The following PRLR variants were observed in gnomAD, a reference collection of about 807,000 sequenced individuals.
The protein encoded by PRLR is prolactin receptor, also known as hPRL receptor.
PRLR carries 13 observed loss-of-function variants against 40.2 expected under a neutral mutation model. The ratio of observed to expected loss-of-function variants is 0.32; its 90% confidence interval spans 0.21 to 0.51. PRLR has a LOEUF of 0.51. Ranked by LOEUF, PRLR falls within the 20% of genes least tolerant of loss-of-function variation. PRLR has a pLI of 0.97. For synonymous variants in PRLR, 269 were observed against 278.7 expected, an observed-to-expected ratio of 0.97 and a Z score of 0.35; for missense variants, 656 against 747.3, an observed-to-expected ratio of 0.88 and a Z score of 1.42.
chr5:35,072,439 C>T, intron 6 of PRLR, 136 bp downstream of exon 6: 1 of 977,822 alleles, frequency 1.0e-6, no homozygotes, highest in Non-Finnish European at 1.5e-6. Flanking sequence ...GGGCTTTTCA[C>T]ATCTGGGTGG....
rs1465145370 is a variant in PRLR, at chr5:35,063,286, G to A, written c.*1803C>T. On this transcript the variant is annotated 3_prime_UTR_variant, in exon 10 of 10. Transcript: ENST00000618457. ...CAATGTGTTCACTTTCAAACAGGAG[G>A]GGGACCTCTGAGTCCAGTTGCTATC... The A allele has an allele frequency of 6.6e-6, 1 of 152,134 alleles. No individual in the cohort carries two copies. Among genetic ancestry groups the A allele is most frequent in the Non-Finnish European group, 1.5e-5 (1 of 68,030 alleles). The allele number at this position is 152,134 out of a possible 1,614,324, so 9.4% of individuals were successfully genotyped here. A position where few individuals can be genotyped will look rare whatever the true frequency, so the allele number is the denominator to read the frequency against.
chr5:35,064,833 T>C lies in PRLR; in HGVS notation c.*256A>G. 2.1e-6 allele frequency: 1 copy of C among 468,716 alleles called. No individual in the cohort carries two copies. The highest frequency in any genetic ancestry group is 3.8e-6 in the Non-Finnish European group (1 of 264,910). The allele number at this position is 468,716 out of a possible 1,614,324, so 29.0% of individuals were successfully genotyped here. ...ATTGTCCCTCAAGAATACTAAGCAG[T>C]GTGCTTTTATTTCATTGAACACATA... On this transcript the variant is annotated 3_prime_UTR_variant, in exon 10 of 10. Coordinates refer to ENST00000618457, the MANE Select transcript of PRLR (RefSeq NM_000949.7).
chr5:35,100,611 G>C (rs1298682103), intron 2 of PRLR, among the ~76,000 whole-genome samples: 2 of 152,198 alleles, frequency 1.3e-5, no homozygotes, highest in Non-Finnish European at 2.9e-5. Flanking sequence ...GCCTAGGTGT[G>C]CAGCAGATTA....
intron 1 of PRLR, among the ~76,000 whole-genome samples, chr5:35,194,803 T>C (rs958964135): frequency 6.6e-6 from 1 of 152,180 alleles, no homozygotes; most frequent in Non-Finnish European, 1.5e-5. Flanking sequence ...GAAGTGAAAC[T>C]ATTCTGTATG....
intron 1 of PRLR, among the ~76,000 whole-genome samples, chr5:35,171,342 G>A (rs2111943918): frequency 6.6e-6 from 1 of 152,286 alleles, no homozygotes; most frequent in South Asian, 2.1e-4. Context: ...TTGGATAGAG[G>A]TGTTATTCAG....
chr5:35,081,965 T>C (rs562094569), intron 5 of PRLR: 5 of 191,692 alleles, frequency 2.6e-5, no homozygotes, highest in Admixed American at 1.0e-4. Context: ...AGCAACAGGG[T>C]GGTGGACTCA....
chr5:35,167,115 A>G (rs77407701), intron 1 of PRLR, among the ~76,000 whole-genome samples: 1 of 151,650 alleles, frequency 6.6e-6, no homozygotes, highest in East Asian at 1.9e-4. Context: ...GCTGCTAAAA[A>G]TAACATCAAT....
chr5:35,142,557 A>T (rs1774056304), intron 1 of PRLR, among the ~76,000 whole-genome samples: 1 of 152,240 alleles, frequency 6.6e-6, no homozygotes, highest in South Asian at 2.1e-4. Flanking sequence ...AGCACCAATT[A>T]TCTACCCAAA....
At chr5:35,121,205 A>G (rs1773280338) in intron 1 of PRLR, among the ~76,000 whole-genome samples, 1 of 152,224 alleles carries the variant, frequency 6.6e-6, no homozygotes, top group Admixed American at 6.5e-5. Flanking sequence ...TCTTGTCATT[A>G]TAGGGGTTCA....
At position 35,065,450 on chromosome 5, in the gene PRLR, G is replaced by C; in HGVS notation, c.1508C>G (p.Ser503Cys). ...LLPQEKTPFG[S>C]AKPLDYVEIH... is the part of the protein sequence containing the mutation. ...CTCCACATAATCCAAGGGTTTAGCG[G>C]AGCCAAAGGGGGTTTTCTCCTGGGG... Residue 503 changes from serine (S) to cysteine (C), a missense_variant, in exon 10 of 10, where the codon TCC becomes TGC. Around this residue, in one of 3 missense-constraint regions of PRLR, gnomAD observed 469 missense variants for 491.5 expected, o/e 0.95. Transcript: ENST00000618457. 1 of 1,614,122 alleles carries C rather than the reference G, an allele frequency of 6.2e-7. No individual in the cohort carries two copies.
intron 1 of PRLR, among the ~76,000 whole-genome samples, chr5:35,218,288 C>A (rs1448400532): frequency 6.6e-6 from 1 of 152,026 alleles, no homozygotes; most frequent in African/African-American, 2.4e-5. Flanking sequence ...GTTGAATAAA[C>A]AAATTGATGA....
intron 1 of PRLR, among the ~76,000 whole-genome samples, chr5:35,156,177 A>T (rs1249025817): frequency 6.7e-6 from 1 of 149,984 alleles, no homozygotes; most frequent in Non-Finnish European, 1.5e-5. Context: ...ATCATCCTTG[A>T]TTTCCCTCTC....
chr5:35,121,148 G>A (rs1773278204), intron 1 of PRLR, among the ~76,000 whole-genome samples: 2 of 152,190 alleles, frequency 1.3e-5, no homozygotes, highest in African/African-American at 4.8e-5. Flanking sequence ...TTCTAGTGGT[G>A]ACTACTGTTC....
rs369738147 is a variant in PRLR, at chr5:35,064,762, C to A, written c.*327G>T. ...TTTGACAATTTCATTTCCGTCTGTC[C>A]CATGCCAAATCATGAAAGCCTTTTC... is the stretch of plus-strand genomic sequence containing the variant. On this transcript the variant is annotated 3_prime_UTR_variant, in exon 10 of 10. Coordinates refer to ENST00000618457, the MANE Select transcript of PRLR (RefSeq NM_000949.7). 4.6e-6 allele frequency: 1 copy of A among 216,900 alleles called. No homozygotes were observed. Among genetic ancestry groups the A allele is most frequent in the Non-Finnish European group, 9.2e-6 (1 of 109,170 alleles). 13.4% of individuals were successfully genotyped at this position (216,900 alleles called of 1,614,324 possible). A position where few individuals can be genotyped will look rare whatever the true frequency, so the allele number is the denominator to read the frequency against.
At chr5:35,188,687 C>A (rs1775513954) in intron 1 of PRLR, among the ~76,000 whole-genome samples, 2 of 152,106 alleles carry the variant, frequency 1.3e-5, no homozygotes, top group Admixed American at 6.5e-5. Flanking sequence ...AAGCCCTGAC[C>A]AACCAAAAAA....
intron 2 of PRLR, among the ~76,000 whole-genome samples, chr5:35,114,900 C>G (rs1253714790): frequency 2.6e-5 from 4 of 152,188 alleles, no homozygotes; most frequent in African/African-American, 9.7e-5. Flanking sequence ...GCTCCCTTCC[C>G]TTTTGGAATT....
chr5:35,157,020 T>G (rs1774529262), intron 1 of PRLR, among the ~76,000 whole-genome samples: 1 of 151,932 alleles, frequency 6.6e-6, no homozygotes, highest in Admixed American at 6.5e-5. Context: ...GTCCAGAGCT[T>G]GAAACAGTCC....
intron 1 of PRLR, among the ~76,000 whole-genome samples, chr5:35,195,894 G>A (rs1409230013): frequency 6.6e-6 from 1 of 152,156 alleles, no homozygotes; most frequent in Non-Finnish European, 1.5e-5. Context: ...GGGTTTGGCT[G>A]GGAGTAGAAG....
At chr5:35,195,201 T>C (rs1276557196) in intron 1 of PRLR, 1 of 152,338 alleles carries the variant, frequency 6.6e-6, no homozygotes, top group African/African-American at 2.4e-5. Context: ...CTCAGCTCCA[T>C]GCCAAAGCAG....
Sources: allele counts gnomAD v4.1 joint callset (sites outside exome capture counted in the v4.1 genomes callset), GRCh38; gene constraint gnomAD v4.1.1; regional missense constraint gnomAD v4.1.1; transcripts MANE v1.5; gene names NCBI Gene and HGNC (gene_info 2026-07-23, HGNC 2026-07-21).